Variants in IGSF11 observed in about 807,000 individuals in gnomAD.
IGSF11 encodes the protein immunoglobulin superfamily member 11, also known as CXADR like 1.
IGSF11 carries 22 observed loss-of-function variants against 41.0 expected under a neutral mutation model. The ratio of observed to expected loss-of-function variants is 0.54; its 90% CI spans 0.38 to 0.77. IGSF11 has a LOEUF of 0.77. Among genes scored for constraint, IGSF11 ranks in the 30% least tolerant of loss-of-function variants. The probability of loss-of-function intolerance (pLI) is 0.00; values close to 1 mark genes in which losing one functional copy is unlikely to be tolerated. For synonymous variants in IGSF11, 219 were observed against 201.3 expected, an observed-to-expected ratio of 1.09 and a Z score of -0.74; for missense variants, 444 against 530.8, an observed-to-expected ratio of 0.84 and a Z score of 1.61.
intron 3 of IGSF11, 111 bp downstream of exon 3, chr3:118,928,398 G>A: frequency 2.7e-6 from 2 of 753,912 alleles, no homozygotes; most frequent in South Asian, 3.5e-5. Context: ...AGAGAAGACA[G>A]AAAAAGAACA....
At chr3:118,924,278 G>A (rs897579674) in intron 4 of IGSF11, among the ~76,000 whole-genome samples, 2 of 152,094 alleles carry the variant, frequency 1.3e-5, no homozygotes, top group Admixed American at 6.6e-5. Context: ...TCACCAATCA[G>A]ACTTCCGGGA....
At chr3:118,977,988 A>C (rs1934307945) in intron 1 of IGSF11, among the ~76,000 whole-genome samples, 1 of 152,128 alleles carries the variant, frequency 6.6e-6, no homozygotes, top group South Asian at 2.1e-4. Flanking sequence ...GACAAATTCC[A>C]CTGCCCACAA....
In IGSF11 at chr3:119,034,775, C is replaced by T. The variant is rs1940787071; in HGVS notation, c.-193G>A. ...AGTGCAGCTGCAGCGCCGCCCGGCT[C>T]CGCGGACGCTGAGCTGTGACCAGAG... On this transcript the variant is annotated 5_prime_UTR_variant, in exon 1 of 7. Coordinates refer to ENST00000393775, the MANE Select transcript of IGSF11 (RefSeq NM_001015887.3). 7.6e-7 allele frequency: 1 copy of T among 1,307,714 alleles called. No homozygotes were observed. The highest frequency in any genetic ancestry group is 9.7e-7 in the Non-Finnish European group (1 of 1,027,710). 81.0% of individuals were successfully genotyped at this position (1,307,714 alleles called of 1,614,324 possible). A position where few individuals can be genotyped will look rare whatever the true frequency, so the allele number is the denominator to read the frequency against.
At chr3:119,038,669 A>C (rs960384796), upstream of IGSF11, among the ~76,000 whole-genome samples, 1 of 152,186 alleles carries the variant, frequency 6.6e-6, no homozygotes, top group African/African-American at 2.4e-5. Flanking sequence ...TCACCTGAAA[A>C]ATTTTTGTAT....
At position 118,917,049 on chromosome 3, in the gene IGSF11, T is replaced by C. The variant is rs534520186; in HGVS notation, c.580+9052A>G. Reference sequence around the variant, plus strand: ...ATGAAGGCAGAAATAAAGATGTTCTTTGAAACCAATGAGAACAAAGACACA... The same window carrying C: ...ATGAAGGCAGAAATAAAGATGTTCTCTGAAACCAATGAGAACAAAGACACA... On this transcript the variant is annotated intron_variant, in intron 4 of 6. Coordinates refer to ENST00000393775, the MANE Select transcript of IGSF11 (RefSeq NM_001015887.3). Among the ~76,000 whole-genome samples the C allele has an allele frequency of 1.2e-4, 18 of 152,276 alleles. No individual in the cohort carries two copies. In the East Asian group the frequency reaches 3.3e-3, roughly 28 times the overall value.
At chr3:118,916,931 CT>C (rs1329787508) in intron 4 of IGSF11, among the ~76,000 whole-genome samples, 1 of 152,044 alleles carries the variant, frequency 6.6e-6, no homozygotes, top group African/African-American at 2.4e-5. Context: ...TGCAATCAAA[CT>C]AGAACTCAGG....
chr3:119,142,560 G>T lies in IGSF11; in HGVS notation c.-14+3253C>A, dbSNP rs569923936. 2.6e-5 allele frequency among the ~76,000 whole-genome samples: 4 copies of T among 151,958 alleles called. No homozygotes were observed. In the East Asian group the frequency reaches 7.7e-4, roughly 29 times the overall value. On this transcript the variant is annotated intron_variant, in intron 1 of 7. Coordinates refer to the IGSF11 transcript ENST00000425327. ...TTGAAATTCTTCAGCCTGAAGAAAA[G>T]GAAGAAGAATGAAGAAAAATTTATA...
chr3:119,111,608 G>A (rs543069558), intron 1 of IGSF11, among the ~76,000 whole-genome samples: 67 of 152,310 alleles, frequency 4.4e-4, no homozygotes, highest in East Asian at 4.2e-3. Context: ...GTCATTCTCC[G>A]TCCAGCTTTG....
At chr3:118,994,624 C>T (rs1936094673) in intron 1 of IGSF11, among the ~76,000 whole-genome samples, 1 of 152,174 alleles carries the variant, frequency 6.6e-6, no homozygotes, top group Non-Finnish European at 1.5e-5. Flanking sequence ...CACCACTGCA[C>T]TCCAGCCTAG....
Position 118,975,213 on chromosome 3 carries a change from C to G in IGSF11, c.53-44938G>C, listed in dbSNP as rs1160547685. On this transcript the variant is annotated intron_variant, in intron 1 of 6. Transcript: ENST00000393775. ...TTGAACAAAAAAATTAAAATAAAAT[C>G]ATTTTGTTCACAAAGCCAAATATAT... Among the ~76,000 whole-genome samples, 3 of 152,134 alleles carry G rather than the reference C, an allele frequency of 2.0e-5. No homozygotes were observed. The East Asian group carries it at 5.8e-4, about 29-fold the overall frequency.
intron 1 of IGSF11, among the ~76,000 whole-genome samples, chr3:118,961,349 G>T (rs968393246): frequency 6.6e-6 from 1 of 152,182 alleles, no homozygotes; most frequent in East Asian, 1.9e-4. Context: ...CAAGTTCACA[G>T]GCTCTTTCAT....
chr3:119,075,285 T>G (rs2076474382), intron 1 of IGSF11, among the ~76,000 whole-genome samples: 1 of 151,854 alleles, frequency 6.6e-6, no homozygotes, highest in Non-Finnish European at 1.5e-5. Context: ...CAGAAAGAAA[T>G]TGAAACCTTG....
At chr3:118,991,785 T>C (rs139360250) in intron 1 of IGSF11, among the ~76,000 whole-genome samples, 139 of 152,324 alleles carry the variant, frequency 9.1e-4, no homozygotes, top group Admixed American at 2.0e-3. Context: ...GTGCCTACCA[T>C]CTGCAAGACA....
intron 1 of IGSF11, among the ~76,000 whole-genome samples, chr3:119,086,129 C>T (rs2076668670): frequency 6.6e-6 from 1 of 152,118 alleles, no homozygotes. Flanking sequence ...CCTTATGTTC[C>T]CTGCCTCTGG....
At chr3:119,007,196 C>T (rs1413378421) in intron 1 of IGSF11, among the ~76,000 whole-genome samples, 1 of 146,008 alleles carries the variant, frequency 6.8e-6, no homozygotes, top group East Asian at 2.0e-4. Context: ...GTCTGAAAAG[C>T]GCAATATTCG....
At chr3:118,990,776 C>G (rs1296685063) in intron 1 of IGSF11, among the ~76,000 whole-genome samples, 1 of 151,594 alleles carries the variant, frequency 6.6e-6, no homozygotes, top group African/African-American at 2.4e-5. Flanking sequence ...CAACAGAAAC[C>G]TGAAGTATTT....
At chr3:119,136,807 T>A (rs1328211009) in intron 1 of IGSF11, among the ~76,000 whole-genome samples, 3 of 152,018 alleles carry the variant, frequency 2.0e-5, no homozygotes, top group Admixed American at 6.6e-5. Context: ...CAGATCCAGA[T>A]ATAATCTTGT....
At chr3:119,062,638 T>C (rs1026277419) in intron 1 of IGSF11, among the ~76,000 whole-genome samples, 3 of 152,238 alleles carry the variant, frequency 2.0e-5, no homozygotes, top group Non-Finnish European at 4.4e-5. Flanking sequence ...CTGCATCTAT[T>C]TATGTCCTAA....
At chr3:118,994,579 G>T (rs552444173) in intron 1 of IGSF11, among the ~76,000 whole-genome samples, 2 of 152,276 alleles carry the variant, frequency 1.3e-5, no homozygotes, top group South Asian at 4.1e-4. Flanking sequence ...GATCACTTAA[G>T]CCTGGGAGGT....
Sources: allele counts gnomAD v4.1 joint callset (sites outside exome capture counted in the v4.1 genomes callset), GRCh38; gene constraint gnomAD v4.1.1; transcripts MANE v1.5; gene names NCBI Gene and HGNC (gene_info 2026-07-23, HGNC 2026-07-21).